Variants in SMCHD1 observed in about 807,000 individuals in gnomAD.
SMCHD1 encodes structural maintenance of chromosomes flexible hinge domain containing 1.
A neutral mutation model predicts 254.7 loss-of-function variants in SMCHD1; 78 were observed. The observed-to-expected ratio is 0.31, with a 90% CI of 0.26 to 0.37. SMCHD1 has a LOEUF of 0.37. Among genes scored for constraint, SMCHD1 ranks in the 10% least tolerant of loss-of-function variants. SMCHD1 has a pLI of 1.00. For synonymous variants in SMCHD1, 766 were observed against 794.9 expected (o/e 0.96, Z 0.61); for missense variants, 1,840 against 2,408.1 (o/e 0.76, Z 4.94).
At chr18:2,704,272 A>G (rs983678699) in intron 13 of SMCHD1, among the ~76,000 whole-genome samples, 7 of 152,212 alleles carry the variant, frequency 4.6e-5, no homozygotes, top group African/African-American at 1.7e-4. Flanking sequence ...CAGAGGCTCA[A>G]TTAACAAGGT....
chr18:2,800,808 T>G (rs1192516946), intron 47 of SMCHD1: 3 of 152,188 alleles, frequency 2.0e-5, no homozygotes, highest in Non-Finnish European at 2.9e-5. Flanking sequence ...CTTTCTTAAA[T>G]GTAATTGTAC....
intron 35 of SMCHD1, among the ~76,000 whole-genome samples, chr18:2,761,516 A>G (rs959012958): frequency 4.6e-5 from 7 of 152,182 alleles, no homozygotes; most frequent in African/African-American, 1.7e-4. Context: ...ACACATCTAC[A>G]TATAATACTG....
intron 5 of SMCHD1, among the ~76,000 whole-genome samples, chr18:2,684,700 AGTGTGTGTGT>A (rs71365193): frequency 5.2e-5 from 6 of 115,526 alleles, no homozygotes; most frequent in Non-Finnish European, 7.4e-5. Context: ...TTGCAGATTC[AGTGTGTGTGT>A]GTGTGTGTGT....
chr18:2,655,770 C>T lies in SMCHD1; in HGVS notation c.-306C>T, dbSNP rs2073032708. 1 of 254,474 alleles carries T rather than the reference C, an allele frequency of 3.9e-6. No individual in the cohort carries two copies. Among genetic ancestry groups the T allele is most frequent in the Non-Finnish European group, 7.4e-6 (1 of 134,614 alleles). 15.8% of individuals were successfully genotyped at this position (254,474 alleles called of 1,614,324 possible). ...TGGTCGCGGGTCGCACCGTGAGGCT[C>T]GCGTGGGCGGCGATAGGCGCTGGGC... is the stretch of plus-strand genomic sequence containing the variant. On this transcript the variant is annotated 5_prime_UTR_variant, in exon 1 of 48. Transcript: ENST00000320876.
intron 13 of SMCHD1, 111 bp from the exon 14 acceptor site, chr18:2,705,583 C>A: frequency 2.2e-6 from 1 of 446,140 alleles, no homozygotes; most frequent in East Asian, 3.4e-5. Flanking sequence ...TGATAGTTAC[C>A]AAGGTTTTTT....
intron 34 of SMCHD1, among the ~76,000 whole-genome samples, chr18:2,756,300 G>C (rs182744431): frequency 6.6e-6 from 1 of 152,132 alleles, no homozygotes; most frequent in African/African-American, 2.4e-5. Context: ...CATCTACCTT[G>C]ATCTTTGAAA....
intron 17 of SMCHD1, among the ~76,000 whole-genome samples, chr18:2,708,464 G>A (rs900618117): frequency 4.6e-5 from 7 of 152,000 alleles, no homozygotes; most frequent in African/African-American, 1.5e-4. Context: ...CCAGGAGTTC[G>A]AGGCTACAGT....
Position 2,706,456 on chromosome 18 carries a change from A to C in SMCHD1, c.2049A>C (p.Glu683Asp). 6.3e-7 allele frequency: 1 copy of C among 1,584,234 alleles called. No homozygotes were observed. Among genetic ancestry groups the C allele is most frequent in the South Asian group, 1.2e-5 (1 of 86,324 alleles). The change falls in exon 15 of 48, where the codon GAA becomes GAC. Residue 683 changes from glutamate to aspartate, a missense_variant. This residue lies in a region of SMCHD1 where 498 missense variants were observed against 743.5 expected (regional missense o/e 0.67). Coordinates refer to ENST00000320876, the MANE Select transcript of SMCHD1 (RefSeq NM_015295.3). ...AGAAAGCTGTTAAAAAATATGTAGA[A>C]GATGAAATGGCAAGGTAAGTCACAC... ...VAEKAVKKYV[E>D]DEMARLPDRL...
intron 8 of SMCHD1, among the ~76,000 whole-genome samples, chr18:2,695,857 CT>C (rs1328231380): frequency 6.6e-6 from 1 of 151,566 alleles, no homozygotes; most frequent in Non-Finnish European, 1.5e-5. Flanking sequence ...TTAGGAATAC[CT>C]TTTTTCTTGT....
intron 34 of SMCHD1, among the ~76,000 whole-genome samples, chr18:2,759,557 C>A (rs1197577434): frequency 1.2e-5 from 1 of 80,034 alleles, no homozygotes; most frequent in African/African-American, 4.8e-5. Flanking sequence ...AGCAGAAGTC[C>A]GTTTTAATTC....
In SMCHD1 at chr18:2,748,628, C is replaced by T. The variant is rs7226566; in HGVS notation, c.3927+981C>T. Reference sequence around the variant, plus strand: ...CAGGCTGGTCTCAAACTCTTGACCGCGGGTGATCCACCCGCCTTGGTCTCC... The same window carrying T: ...CAGGCTGGTCTCAAACTCTTGACCGTGGGTGATCCACCCGCCTTGGTCTCC... On this transcript the variant is annotated intron_variant, in intron 30 of 47. Coordinates refer to ENST00000320876, the MANE Select transcript of SMCHD1 (RefSeq NM_015295.3). Among the ~76,000 whole-genome samples the T allele has an allele frequency of 8.8e-3, 1,341 of 151,894 alleles. 22 individuals are homozygous for T. The highest frequency in any genetic ancestry group is 0.031 in the African/African-American group (1,270 of 41,404).
intron 5 of SMCHD1, among the ~76,000 whole-genome samples, chr18:2,681,278 T>C (rs1181715190): frequency 2.0e-5 from 3 of 151,602 alleles, no homozygotes; most frequent in African/African-American, 7.3e-5. Context: ...CCAGGTGTGG[T>C]GGTGTGTGCT....
intron 17 of SMCHD1, among the ~76,000 whole-genome samples, chr18:2,710,325 G>A (rs2074638044): frequency 6.6e-6 from 1 of 152,156 alleles, no homozygotes; most frequent in Admixed American, 6.5e-5. Context: ...GGAGGTGTGA[G>A]TCCTCCAACT....
chr18:2,665,803 T>C (rs895904899), intron 1 of SMCHD1, among the ~76,000 whole-genome samples: 7 of 152,246 alleles, frequency 4.6e-5, no homozygotes, highest in Non-Finnish European at 1.0e-4. Context: ...GTTAAAGCTT[T>C]GTTCCAAATA....
chr18:2,762,035 G>A lies in SMCHD1; in HGVS notation c.4435-70G>A, dbSNP rs931497695. On this transcript the variant is annotated intron_variant, in intron 35 of 47. Transcript: ENST00000320876. ...TTTATTTAGTATGTGCCATTGTTAT[G>A]TCTTCCCTTCCTCTTAAATGCTAAA... The A allele has an allele frequency of 5.4e-6, 7 of 1,303,272 alleles. No homozygotes were observed. In the African/African-American group the frequency reaches 5.8e-5, roughly 11 times the overall value. The allele number at this position is 1,303,272 out of a possible 1,614,324, so 80.7% of individuals were successfully genotyped here. A position where few individuals can be genotyped will look rare whatever the true frequency, so the allele number is the denominator to read the frequency against.
At chr18:2,745,891 C>T (rs1475931238) in intron 29 of SMCHD1, among the ~76,000 whole-genome samples, 2 of 152,084 alleles carry the variant, frequency 1.3e-5, no homozygotes, top group Admixed American at 6.6e-5. Context: ...TCTAATTTTT[C>T]TAAGTTTTCT....
chr18:2,687,044 C>CT (rs141981684), intron 5 of SMCHD1, among the ~76,000 whole-genome samples: 3,186 of 152,068 alleles, frequency 0.021, 44 homozygotes, highest in African/African-American at 0.038. Context: ...GCATATTTAA[C>CT]TTTAGATTTC....
intron 28 of SMCHD1, 46 bp from the exon 29 acceptor site, chr18:2,743,715 A>G (rs754203572): frequency 1.4e-6 from 2 of 1,437,288 alleles, no homozygotes; most frequent in Admixed American, 4.3e-5. Context: ...TTTTCTGAAC[A>G]CTAAGTGATA....
At chr18:2,673,947 T>C in intron 4 of SMCHD1, 68 bp from the exon 5 acceptor site, 1 of 1,453,430 alleles carries the variant, frequency 6.9e-7, no homozygotes, top group Non-Finnish European at 9.3e-7. Context: ...TTTTTTCATG[T>C]TTAACTTTTC....
Sources: allele counts gnomAD v4.1 joint callset (sites outside exome capture counted in the v4.1 genomes callset), GRCh38; gene constraint gnomAD v4.1.1; regional missense constraint gnomAD v4.1.1; transcripts MANE v1.5; gene names NCBI Gene and HGNC (gene_info 2026-07-23, HGNC 2026-07-21).